The following OXCT1 variants were observed in gnomAD, a reference collection of about 807,000 sequenced individuals.
OXCT1 encodes the protein succinyl-CoA:3-ketoacid coenzyme A transferase 1, mitochondrial.
In OXCT1, 27 loss-of-function variants were observed where a neutral mutation model predicts 69.6. The ratio of observed to expected loss-of-function variants is 0.39; its 90% CI spans 0.29 to 0.54. The LOEUF is 0.54. Ranked by LOEUF, OXCT1 falls within the 20% of genes least tolerant of loss-of-function variation. OXCT1 has a pLI of 0.72. For synonymous variants in OXCT1, 202 were observed against 217.8 expected (o/e 0.93, Z 0.64); for missense variants, 437 against 650.2 (o/e 0.67, Z 3.57).
chr5:41,778,008 C>T (rs1292516750), intron 13 of OXCT1, among the ~76,000 whole-genome samples: 1 of 152,082 alleles, frequency 6.6e-6, no homozygotes, highest in Non-Finnish European at 1.5e-5. Flanking sequence ...AATCATAATC[C>T]AGAAATATGC....
chr5:41,861,202 G>A (rs1749716714), intron 3 of OXCT1, 112 bp downstream of exon 3: 1 of 772,256 alleles, frequency 1.3e-6, no homozygotes, highest in African/African-American at 1.7e-5. Flanking sequence ...TTTGATGCTT[G>A]GACATATTGC....
chr5:41,849,204 C>T (rs928223006), intron 5 of OXCT1, among the ~76,000 whole-genome samples: 3 of 152,120 alleles, frequency 2.0e-5, no homozygotes, highest in Non-Finnish European at 4.4e-5. Flanking sequence ...TCTGATCGTT[C>T]CTAGGAATGG....
At chr5:41,803,371 C>T (rs2112265179) in intron 9 of OXCT1, among the ~76,000 whole-genome samples, 1 of 152,032 alleles carries the variant, frequency 6.6e-6, no homozygotes, top group East Asian at 1.9e-4. Flanking sequence ...TTTTCAGTAA[C>T]ATTAATATCA....
chr5:41,736,522 G>A (rs1046308729), intron 16 of OXCT1, among the ~76,000 whole-genome samples: 3 of 151,862 alleles, frequency 2.0e-5, no homozygotes, highest in African/African-American at 4.8e-5. Context: ...TTTTTTAACA[G>A]TGCCCAAATA....
intron 11 of OXCT1, among the ~76,000 whole-genome samples, chr5:41,797,429 A>C (rs1680111489): frequency 6.6e-6 from 1 of 152,266 alleles, no homozygotes; most frequent in African/African-American, 2.4e-5. Flanking sequence ...AACAAAAATA[A>C]GTATCCTAAA....
chr5:41,737,825 G>A (rs1219612822), intron 16 of OXCT1, among the ~76,000 whole-genome samples: 1 of 152,226 alleles, frequency 6.6e-6, no homozygotes. Context: ...GGAGGCCGAG[G>A]CGGGCAGATC....
At chr5:41,822,164 G>A (rs1747585206) in intron 7 of OXCT1, among the ~76,000 whole-genome samples, 1 of 152,096 alleles carries the variant, frequency 6.6e-6, no homozygotes, top group Non-Finnish European at 1.5e-5. Flanking sequence ...GTAACTGCAG[G>A]AGGAACAAAG....
intron 3 of OXCT1, among the ~76,000 whole-genome samples, chr5:41,857,151 G>A (rs1749467282): frequency 6.6e-6 from 1 of 151,944 alleles, no homozygotes. Context: ...TCTCTCCTTG[G>A]TACTCTGCAC....
In OXCT1 at chr5:41,731,644, C is replaced by T. The variant is rs1038175976; in HGVS notation, c.*85G>A. On this transcript the variant is annotated 3_prime_UTR_variant, in exon 17 of 17. Coordinates refer to ENST00000196371, the MANE Select transcript of OXCT1 (RefSeq NM_000436.4). ...CTAATAAAAAACCACCTGTTAAATA[C>T]ACAATTATGATTATTGATGTCCTTT... is the stretch of plus-strand genomic sequence containing the variant. 12 of 1,529,756 alleles carry T rather than the reference C, an allele frequency of 7.8e-6. No individual in the cohort carries two copies. The African/African-American group carries it at 1.1e-4, about 14-fold the overall frequency. 94.8% of individuals were successfully genotyped at this position (1,529,756 alleles called of 1,614,324 possible). A position where few individuals can be genotyped will look rare whatever the true frequency, so the allele number is the denominator to read the frequency against.
chr5:41,835,290 T>C (rs1285131286), intron 7 of OXCT1, among the ~76,000 whole-genome samples: 1 of 152,202 alleles, frequency 6.6e-6, no homozygotes. Context: ...ATTAAGAATC[T>C]GAACAGCCCA....
In OXCT1 at chr5:41,853,415, T is replaced by C; in HGVS notation, c.414+4A>G. 1.2e-6 allele frequency: 2 copies of C among 1,613,262 alleles called. No homozygotes were observed. Among genetic ancestry groups the C allele is most frequent in the Non-Finnish European group, 1.7e-6 (2 of 1,179,350 alleles). ...TATTATAAAAGAAAAGCAAATTTTCTCACCTGTGGTGTCAGCTCCACTTCT... is the reference window on the plus strand; with the variant it reads ...TATTATAAAAGAAAAGCAAATTTTCCCACCTGTGGTGTCAGCTCCACTTCT... On this transcript the variant is annotated splice_donor_region_variant and intron_variant, in intron 4 of 16. Coordinates refer to ENST00000196371, the MANE Select transcript of OXCT1 (RefSeq NM_000436.4).
At chr5:41,780,090 T>G (rs1232599229) in intron 13 of OXCT1, among the ~76,000 whole-genome samples, 1 of 152,128 alleles carries the variant, frequency 6.6e-6, no homozygotes, top group Non-Finnish European at 1.5e-5. Flanking sequence ...AGAGAAGATA[T>G]AATAACAGTC....
At chr5:41,737,352 G>A (rs1742935728) in intron 16 of OXCT1, among the ~76,000 whole-genome samples, 1 of 152,076 alleles carries the variant, frequency 6.6e-6, no homozygotes, top group Admixed American at 6.6e-5. Context: ...AGCAAGAACA[G>A]TAAAAACTCA....
At chr5:41,792,631 C>T (rs1045403192) in intron 13 of OXCT1, among the ~76,000 whole-genome samples, 4 of 152,188 alleles carry the variant, frequency 2.6e-5, no homozygotes, top group Non-Finnish European at 4.4e-5. Flanking sequence ...TCAGGAGACC[C>T]TCCCTGATTT....
intron 7 of OXCT1, among the ~76,000 whole-genome samples, chr5:41,835,477 T>A (rs1211456156): frequency 6.6e-6 from 1 of 152,196 alleles, no homozygotes; most frequent in Non-Finnish European, 1.5e-5. Context: ...TCCATTAACC[T>A]CTAATTCTTA....
intron 1 of OXCT1, among the ~76,000 whole-genome samples, chr5:41,866,161 C>T (rs1166975734): frequency 6.6e-6 from 1 of 151,872 alleles, no homozygotes; most frequent in Non-Finnish European, 1.5e-5. Context: ...AAAATGCAAA[C>T]TTTTCTTCAT....
chr5:41,734,849 T>G (rs1378593116), intron 16 of OXCT1, among the ~76,000 whole-genome samples: 1 of 152,108 alleles, frequency 6.6e-6, no homozygotes, highest in African/African-American at 2.4e-5. Context: ...CCAGAATATA[T>G]GAGAAACTTT....
At chr5:41,862,777 T>A in intron 1 of OXCT1, 27 bp from the exon 2 acceptor site, 18 of 1,323,078 alleles carry the variant, frequency 1.4e-5, no homozygotes, top group Non-Finnish European at 1.9e-5. Context: ...AAAAAATTGA[T>A]AATCATTTGG....
At chr5:41,809,505 A>G (rs1387526528) in intron 7 of OXCT1, among the ~76,000 whole-genome samples, 1 of 152,050 alleles carries the variant, frequency 6.6e-6, no homozygotes, top group African/African-American at 2.4e-5. Context: ...TGCACATTTG[A>G]AAATAATAAT....
Sources: allele counts gnomAD v4.1 joint callset (sites outside exome capture counted in the v4.1 genomes callset), GRCh38; gene constraint gnomAD v4.1.1; transcripts MANE v1.5; gene names NCBI Gene and HGNC (gene_info 2026-07-23, HGNC 2026-07-21).